The following ZNF366 variants were observed in gnomAD, a reference collection of about 807,000 sequenced individuals.
ZNF366 encodes dendritic cell-specific transcript protein.
A neutral mutation model predicts 47.2 loss-of-function variants in ZNF366; 20 were observed. The observed-to-expected ratio is 0.42, with a 90% CI of 0.30 to 0.62. ZNF366 has a LOEUF of 0.62. ZNF366 is among the 20% of genes least tolerant of loss of function. The pLI is 0.16. For missense variants in ZNF366, 987 were observed against 976.3 expected, an observed-to-expected ratio of 1.01 and a Z score of -0.15; for synonymous variants, 421 against 395.1, an observed-to-expected ratio of 1.07 and a Z score of -0.78.
chr5:72,492,089 T>A (rs1744024587), intron 1 of ZNF366, among the ~76,000 whole-genome samples: 2 of 152,208 alleles, frequency 1.3e-5, no homozygotes, highest in South Asian at 2.1e-4. Context: ...AGTATGTTAA[T>A]AAGGAAGTGT....
intron 1 of ZNF366, among the ~76,000 whole-genome samples, chr5:72,500,130 C>T (rs539223279): frequency 1.3e-4 from 20 of 152,172 alleles, no homozygotes; most frequent in Non-Finnish European, 2.4e-4. Context: ...GCGGGTCCTC[C>T]CTTTCTCCCT....
intron 1 of ZNF366, among the ~76,000 whole-genome samples, chr5:72,478,956 T>G (rs774059934): frequency 6.6e-6 from 1 of 152,228 alleles, no homozygotes; most frequent in African/African-American, 2.4e-5. Context: ...TATAAACACT[T>G]GTTTCATCAC....
Position 72,460,659 on chromosome 5 carries a change from G to C in ZNF366, c.838C>G (p.Pro280Ala), listed in dbSNP as rs1356484244. The C allele has an allele frequency of 6.2e-7, 1 of 1,614,230 alleles. No individual in the cohort carries two copies. Among genetic ancestry groups the C allele is most frequent in the South Asian group, 1.1e-5 (1 of 91,090 alleles). ...TTCCCGCAGTGCGTGCACGCGTGCG[G>C]CTTGATCCCACTGTGGCCCAGGATG... ...THILGHSGIK[P>A]HACTHCGKLF... The change falls in exon 2 of 5, where the codon CCG (proline) becomes GCG (alanine). Residue 280 changes from proline to alanine, a missense_variant. Physicochemically the swap from Pro to Ala is conservative, Grantham distance 27. This residue lies in a region of ZNF366 where 591 missense variants were observed against 560.9 expected (regional missense o/e 1.05). Coordinates refer to ENST00000318442, the MANE Select transcript of ZNF366 (RefSeq NM_152625.3).
At chr5:72,446,672 G>A (rs1742966414) in intron 4 of ZNF366, among the ~76,000 whole-genome samples, 1 of 152,218 alleles carries the variant, frequency 6.6e-6, no homozygotes. Flanking sequence ...GTCCTTGGGT[G>A]TGTCTGATTG....
chr5:72,460,592 G>T lies in ZNF366; in HGVS notation c.905C>A (p.Thr302Asn). ...CTTGTGGGGCCGCGTGCCCTGGTGG[G>T]TCAGCATGTGGGTATGCAGGTGGCT... Reference protein sequence around the residue: ...QLSHLHTHMLTHQGTRPHKCQ... With the variant: ...QLSHLHTHMLNHQGTRPHKCQ... Residue 302 changes from threonine (T) to asparagine (N), a missense_variant, in exon 2 of 5, where the codon ACC becomes AAC. Around this residue, in one of 3 missense-constraint regions of ZNF366, gnomAD observed 591 missense variants for 560.9 expected, o/e 1.05. Transcript: ENST00000318442. 1 of 1,614,154 alleles carries T rather than the reference G, an allele frequency of 6.2e-7. No individual in the cohort carries two copies. Among genetic ancestry groups the T allele is most frequent in the Non-Finnish European group, 8.5e-7 (1 of 1,180,042 alleles).
intron 1 of ZNF366, among the ~76,000 whole-genome samples, chr5:72,479,888 AT>A (rs1743758401): frequency 6.6e-6 from 1 of 152,232 alleles, no homozygotes; most frequent in Admixed American, 6.5e-5. Flanking sequence ...CAGGTTTAAA[AT>A]TTGTAAAAAC....
At chr5:72,475,337 C>G (rs1743651530) in intron 1 of ZNF366, among the ~76,000 whole-genome samples, 1 of 152,176 alleles carries the variant, frequency 6.6e-6, no homozygotes, top group African/African-American at 2.4e-5. Flanking sequence ...CAAAGATCTT[C>G]CTTCTAAGGG....
chr5:72,468,071 A>T (rs1009061498), intron 1 of ZNF366, among the ~76,000 whole-genome samples: 3 of 152,224 alleles, frequency 2.0e-5, no homozygotes, highest in Non-Finnish European at 2.9e-5. Flanking sequence ...ACGTTTCAAC[A>T]TAATTGTCTT....
At position 72,490,016 on chromosome 5, in the gene ZNF366, A is replaced by T. The variant is rs77330901; in HGVS notation, c.-15+17235T>A. On this transcript the variant is annotated intron_variant, in intron 1 of 4. Transcript: ENST00000318442. ...AGCTGCAGTCCTTGATCTGCTTAGT[A>T]CCAGCTTTTCTGACATTTCAGCAGG... Among the ~76,000 whole-genome samples, 26 of 152,330 alleles carry T rather than the reference A, an allele frequency of 1.7e-4. No individual in the cohort carries two copies. In the East Asian group the frequency reaches 4.8e-3, roughly 28 times the overall value.
chr5:72,474,305 A>G (rs1482595581), intron 1 of ZNF366, among the ~76,000 whole-genome samples: 1 of 152,172 alleles, frequency 6.6e-6, no homozygotes, highest in Non-Finnish European at 1.5e-5. Flanking sequence ...TGGGGCAGCT[A>G]AGCCATCCTG....
rs770424180 is a variant in ZNF366, at chr5:72,443,751, T to A, written c.*5A>T. On this transcript the variant is annotated 3_prime_UTR_variant, in exon 5 of 5. Transcript: ENST00000318442. ...TTTTCCAAATGTAATTTTAAAACTGTCCACTTAGATACCTAAAAGCACTGC... is the reference window on the plus strand; with the variant it reads ...TTTTCCAAATGTAATTTTAAAACTGACCACTTAGATACCTAAAAGCACTGC... 3.1e-6 allele frequency: 5 copies of A among 1,603,846 alleles called. No homozygotes were observed. Among genetic ancestry groups the A allele is most frequent in the Non-Finnish European group, 3.4e-6 (4 of 1,174,866 alleles).
rs777507453 is a variant in ZNF366, at chr5:72,456,470, G to A, written c.1458C>T (p.Phe486=). 18 of 1,613,822 alleles carry A rather than the reference G, an allele frequency of 1.1e-5. No homozygotes were observed. Among genetic ancestry groups the A allele is most frequent in the South Asian group, 5.5e-5 (5 of 91,046 alleles). ...AYQCHLCYKS[F]VQKQTLKAHM... The stretch of plus-strand genomic sequence containing the variant: ...GTGCCTTGAGGGTCTGCTTCTGCAC[G>A]AAGCTCTTGTAGCAGAGGTGACACT... Residue 486 remains phenylalanine, a synonymous_variant, in exon 3 of 5, where the codon TTC becomes TTT. Coordinates refer to ENST00000318442, the MANE Select transcript of ZNF366 (RefSeq NM_152625.3).
chr5:72,464,702 CCCA>C (rs1461447681), intron 1 of ZNF366, among the ~76,000 whole-genome samples: 1 of 152,096 alleles, frequency 6.6e-6, no homozygotes, highest in East Asian at 1.9e-4. Flanking sequence ...TAATGATTCT[CCCA>C]CCCTTAAAAT....
chr5:72,469,531 A>G (rs1743514576), intron 1 of ZNF366, among the ~76,000 whole-genome samples: 1 of 151,994 alleles, frequency 6.6e-6, no homozygotes, highest in Non-Finnish European at 1.5e-5. Flanking sequence ...TACAGAGGGG[A>G]ACAGGGTTAT....
chr5:72,503,530 T>TACACACAC (rs34375286), intron 1 of ZNF366, among the ~76,000 whole-genome samples: 8 of 148,832 alleles, frequency 5.4e-5, no homozygotes, highest in African/African-American at 2.0e-4. Flanking sequence ...TGAATTCTAA[T>TACACACAC]ACACACACAC....
At chr5:72,506,052 A>G (rs1332552582) in intron 1 of ZNF366, among the ~76,000 whole-genome samples, 1 of 152,262 alleles carries the variant, frequency 6.6e-6, no homozygotes, top group Non-Finnish European at 1.5e-5. Flanking sequence ...TTCAATTTTG[A>G]ATAAAGATTA....
Position 72,461,311 on chromosome 5 carries a change from T to C in ZNF366, c.186A>G (p.Gly62=). Residue 62 remains glycine, a synonymous_variant, in exon 2 of 5, where the codon GGA becomes GGG. Coordinates refer to ENST00000318442, the MANE Select transcript of ZNF366 (RefSeq NM_152625.3). ...AGACCCCGGGGAACCCATCTAGGTC[T>C]CCTGGGGGAGGTTCATACCGAAACT... The part of the protein sequence containing the change: ...FSQFRYEPPP[G]DLDGFPGVFE... 1 of 1,614,040 alleles carries C rather than the reference T, an allele frequency of 6.2e-7. No individual in the cohort carries two copies. The highest frequency in any genetic ancestry group is 8.5e-7 in the Non-Finnish European group (1 of 1,180,004).
chr5:72,467,445 C>T lies in ZNF366; in HGVS notation c.-14-5935G>A, dbSNP rs75617513. 2.4e-3 allele frequency among the ~76,000 whole-genome samples: 369 copies of T among 152,320 alleles called. 3 individuals carry two copies. The highest frequency in any genetic ancestry group is 8.3e-3 in the African/African-American group (346 of 41,576). ...CCAAGGCCTGACCAAGATAAAACCA[C>T]ATTTAGTTTTGGGGGAAATATGCTG... On this transcript the variant is annotated intron_variant, in intron 1 of 4. Transcript: ENST00000318442.
intron 1 of ZNF366, among the ~76,000 whole-genome samples, chr5:72,482,774 G>GTGTGA (rs989424094): frequency 1.3e-5 from 2 of 151,650 alleles, no homozygotes; most frequent in African/African-American, 4.8e-5. Context: ...GTGTGTGTGT[G>GTGTGA]TGTGTGTGTG....
Sources: allele counts gnomAD v4.1 joint callset (sites outside exome capture counted in the v4.1 genomes callset), GRCh38; gene constraint gnomAD v4.1.1; regional missense constraint gnomAD v4.1.1; transcripts MANE v1.5; gene names NCBI Gene and HGNC (gene_info 2026-07-23, HGNC 2026-07-21).